PKHD1L1: variants seen among roughly 807,000 people sequenced by gnomAD.
PKHD1L1 encodes fibrocystin-L.
PKHD1L1 carries 434 observed loss-of-function variants against 462.9 expected under a neutral mutation model. The ratio of observed to expected loss-of-function variants is 0.94; its 90% confidence interval spans 0.87 to 1.02. PKHD1L1 has a LOEUF of 1.02. Among genes scored for constraint, PKHD1L1 ranks in the 50% least tolerant of loss-of-function variants. PKHD1L1 has a pLI of 0.00. For synonymous variants in PKHD1L1, 1,781 were observed against 1,750.0 expected (o/e 1.02, Z -0.44); for missense variants, 5,202 against 5,096.1 (o/e 1.02, Z -0.63).
chr8:109,403,996 A>G (rs988097698), intron 14 of PKHD1L1, among the ~76,000 whole-genome samples: 1 of 152,096 alleles, frequency 6.6e-6, no homozygotes, highest in African/African-American at 2.4e-5. Context: ...TCAAAATATA[A>G]AGTGAAAATC....
At chr8:109,429,803 C>T in intron 26 of PKHD1L1, 129 bp from the exon 27 acceptor site, 1 of 706,004 alleles carries the variant, frequency 1.4e-6, no homozygotes, top group Non-Finnish European at 2.4e-6. Context: ...TATCAAAGTA[C>T]AAAAAATATA....
rs1438956602 is a variant in PKHD1L1 at position 109,497,164 on chromosome 8, G to A, written c.10491G>A (p.Val3497=). Reference sequence around the variant, plus strand: ...TTCTATTGCAGACCACAGAGAGTGTGCACATTTATAATGTGACCCTGGTTG... The same window carrying A: ...TTCTATTGCAGACCACAGAGAGTGTACACATTTATAATGTGACCCTGGTTG... ...YGIYFQTTES[V]HIYNVTLVDN... is the part of the protein sequence containing the mutation. The change falls in exon 65 of 78, where the codon GTG becomes GTA. Residue 3497 remains valine, a synonymous_variant. Coordinates refer to ENST00000378402, the MANE Select transcript of PKHD1L1 (RefSeq NM_177531.6). The A allele has an allele frequency of 6.2e-7, 1 of 1,613,758 alleles. No homozygotes were observed. The highest frequency in any genetic ancestry group is 8.5e-7 in the Non-Finnish European group (1 of 1,179,790).
chr8:109,384,086 C>T lies in PKHD1L1; in HGVS notation c.434C>T (p.Thr145Ile), dbSNP rs865791347. Residue 145 changes from threonine to isoleucine, a missense_variant, in exon 5 of 78, where the codon ACC becomes ATC. Physicochemically the swap from Thr to Ile is moderately conservative, Grantham distance 89. Coordinates refer to ENST00000378402, the MANE Select transcript of PKHD1L1 (RefSeq NM_177531.6). ...ECTFNAKSFR[T>I]PTIRSITPLS... is the part of the protein sequence containing the mutation. ...TTTTTACAGGCAAAAAGTTTTAGAA[C>T]CCCAACAATAAGAAGCATCACACCT... 8 of 1,609,918 alleles carry T rather than the reference C, an allele frequency of 5.0e-6. No homozygotes were observed. Among genetic ancestry groups the T allele is most frequent in the African/African-American group, 1.3e-5 (1 of 74,762 alleles).
rs866731814 is a variant in PKHD1L1 at position 109,429,933 on chromosome 8, T to C, written c.3125T>C (p.Val1042Ala). 1 of 1,608,346 alleles carries C rather than the reference T, an allele frequency of 6.2e-7. No homozygotes were observed. Among genetic ancestry groups the C allele is most frequent in the East Asian group, 2.2e-5 (1 of 44,712 alleles). The change falls in exon 27 of 78, where the codon GTT becomes GCT. Residue 1042 changes from valine to alanine, a missense_variant and splice_region_variant. Physicochemically the swap from Val to Ala is moderately conservative, Grantham distance 64. Coordinates refer to ENST00000378402, the MANE Select transcript of PKHD1L1 (RefSeq NM_177531.6). ...LLRTPSQQPQVEVYVNGIPAK... is the reference protein window; with the variant it reads ...LLRTPSQQPQAEVYVNGIPAK... ...AGCTTCTTGTTTCTTTACTTGAAGG[T>C]TGAAGTCTATGTCAATGGAATTCCA...
Position 109,364,642 on chromosome 8 carries a change from G to A in PKHD1L1, c.163+6G>A, listed in dbSNP as rs201083009. On this transcript the variant is annotated splice_donor_region_variant and intron_variant, in intron 2 of 77. Transcript: ENST00000378402. ...GCTGACTATAAGAGGGGAAGGTATCGTTGCTTTTTTTTTTTTTTTTTTGCC... is the reference window on the plus strand; with the variant it reads ...GCTGACTATAAGAGGGGAAGGTATCATTGCTTTTTTTTTTTTTTTTTTGCC... 2.2e-4 allele frequency: 291 copies of A among 1,315,510 alleles called. 1 individual carries two copies. The highest frequency in any genetic ancestry group is 1.2e-3 in the Admixed American group (44 of 37,560). The allele number at this position is 1,315,510 out of a possible 1,614,324, so 81.5% of individuals were successfully genotyped here.
In PKHD1L1 at chr8:109,427,839, G is replaced by A. The variant is rs541364567; in HGVS notation, c.3000+683G>A. Among the ~76,000 whole-genome samples the A allele has an allele frequency of 5.9e-5, 9 of 152,038 alleles. No individual in the cohort carries two copies. In the South Asian group the frequency reaches 1.9e-3, roughly 32 times the overall value. ...TCGAGATGAGCCTGACCAACATGGTGAAATCCTGTTTCTACTAAAAATACA... is the reference window on the plus strand; with the variant it reads ...TCGAGATGAGCCTGACCAACATGGTAAAATCCTGTTTCTACTAAAAATACA... On this transcript the variant is annotated intron_variant, in intron 25 of 77. Coordinates refer to ENST00000378402, the MANE Select transcript of PKHD1L1 (RefSeq NM_177531.6).
chr8:109,527,468 C>T (rs1820876863), intron 77 of PKHD1L1, among the ~76,000 whole-genome samples: 1 of 152,106 alleles, frequency 6.6e-6, no homozygotes, highest in African/African-American at 2.4e-5. Flanking sequence ...CCCACCACTG[C>T]ACTCCAGCCT....
At chr8:109,506,969 G>C (rs776852442) in intron 68 of PKHD1L1, among the ~76,000 whole-genome samples, 11 of 152,038 alleles carry the variant, frequency 7.2e-5, no homozygotes, top group Non-Finnish European at 1.3e-4. Flanking sequence ...CTCAAGATGA[G>C]GCCAAAATAC....
At position 109,510,880 on chromosome 8, in the gene PKHD1L1, T is replaced by A. The variant is rs1434443008; in HGVS notation, c.11499T>A (p.Thr3833=). ...ALNKSYEVYF[T]GTSPQNLRLM... is the part of the protein sequence containing the mutation. ...ACAAATCTTATGAAGTTTACTTCAC[T>A]GGCACCAGTCCTCAGAATCTTCGAC... is the stretch of plus-strand genomic sequence containing the variant. Residue 3833 remains threonine, a synonymous_variant, in exon 71 of 78, where the codon ACT becomes ACA. Coordinates refer to ENST00000378402, the MANE Select transcript of PKHD1L1 (RefSeq NM_177531.6). 3 of 1,613,356 alleles carry A rather than the reference T, an allele frequency of 1.9e-6. No homozygotes were observed. Among genetic ancestry groups the A allele is most frequent in the Non-Finnish European group, 2.5e-6 (3 of 1,179,488 alleles).
At chr8:109,454,356 C>G in intron 44 of PKHD1L1, 110 bp downstream of exon 44, 1 of 747,818 alleles carries the variant, frequency 1.3e-6, no homozygotes. Context: ...CTAAGTTTAT[C>G]TTTGTTTAGG....
intron 9 of PKHD1L1, among the ~76,000 whole-genome samples, chr8:109,394,008 C>A (rs556436982): frequency 9.9e-5 from 15 of 151,724 alleles, no homozygotes; most frequent in African/African-American, 3.4e-4. Context: ...CCCGTCTCTA[C>A]TAAAAATACA....
At chr8:109,397,173 T>C (rs1312050941) in intron 11 of PKHD1L1, among the ~76,000 whole-genome samples, 3 of 152,234 alleles carry the variant, frequency 2.0e-5, no homozygotes, top group Admixed American at 2.0e-4. Context: ...ATACAGTTGA[T>C]ATGAAAAGAG....
At chr8:109,468,428 T>G (rs1018666840) in intron 50 of PKHD1L1, among the ~76,000 whole-genome samples, 1 of 152,202 alleles carries the variant, frequency 6.6e-6, no homozygotes. Context: ...TGTGAATACC[T>G]AGAGGGCAAT....
intron 16 of PKHD1L1, among the ~76,000 whole-genome samples, chr8:109,405,703 C>T (rs577158003): frequency 3.5e-5 from 5 of 143,516 alleles, no homozygotes; most frequent in South Asian, 2.2e-4. Flanking sequence ...GGGGTCGGCA[C>T]GGGGAGGGCA....
In PKHD1L1 at chr8:109,533,284, T is replaced by C. The variant is rs919926599; in HGVS notation, c.*3194T>C. ...ACTGTAAAATGTGGAAAGTGTGACA[T>C]CTGAAGACTGATGGTATCATATATA... On this transcript the variant is annotated 3_prime_UTR_variant, in exon 78 of 78. Coordinates refer to ENST00000378402, the MANE Select transcript of PKHD1L1 (RefSeq NM_177531.6). Among the ~76,000 whole-genome samples the C allele has an allele frequency of 1.3e-5, 2 of 152,270 alleles. No homozygotes were observed. Among genetic ancestry groups the C allele is most frequent in the African/African-American group, 4.8e-5 (2 of 41,468 alleles).
Position 109,427,074 on chromosome 8 carries a change from C to T in PKHD1L1, c.2918C>T (p.Ser973Leu). 2 of 1,613,944 alleles carry T rather than the reference C, an allele frequency of 1.2e-6. No individual in the cohort carries two copies. The highest frequency in any genetic ancestry group is 1.7e-6 in the Non-Finnish European group (2 of 1,179,864). ...LQSLEGMGRISVTREGTCAGY... is the reference protein window; with the variant it reads ...LQSLEGMGRILVTREGTCAGY... ...AGTCTGGAGGGAATGGGAAGAATCT[C>T]AGTTACACGAGAGGGAACCTGTGCT... The change falls in exon 25 of 78, where the codon TCA becomes TTA. Residue 973 changes from serine (S) to leucine (L), a missense_variant. By Grantham distance (145) the Ser-to-Leu change is moderately radical. Coordinates refer to ENST00000378402, the MANE Select transcript of PKHD1L1 (RefSeq NM_177531.6).
chr8:109,524,146 C>T (rs760275501), intron 76 of PKHD1L1, among the ~76,000 whole-genome samples: 2 of 152,032 alleles, frequency 1.3e-5, no homozygotes, highest in East Asian at 1.9e-4. Flanking sequence ...ATGGATAAAC[C>T]GCTTACGTTT....
intron 2 of PKHD1L1, among the ~76,000 whole-genome samples, chr8:109,379,237 G>A (rs979868430): frequency 6.6e-6 from 1 of 152,182 alleles, no homozygotes; most frequent in Non-Finnish European, 1.5e-5. Flanking sequence ...CCCATGGAAA[G>A]AACAGAGATC....
intron 44 of PKHD1L1, 135 bp from the exon 45 acceptor site, chr8:109,454,587 CA>C: frequency 1.5e-6 from 2 of 1,300,536 alleles, no homozygotes. Context: ...GTTTATCTTT[CA>C]AAAGAAAGAT....
Sources: allele counts gnomAD v4.1 joint callset (sites outside exome capture counted in the v4.1 genomes callset), GRCh38; gene constraint gnomAD v4.1.1; transcripts MANE v1.5; gene names NCBI Gene and HGNC (gene_info 2026-07-23, HGNC 2026-07-21).